Variants in SMAP1 observed in about 807,000 individuals in gnomAD.
SMAP1 encodes small ArfGAP 1.
Under a neutral mutation model 58.5 loss-of-function variants are expected in SMAP1, and 24 were observed. The ratio of observed to expected loss-of-function variants is 0.41; its 90% CI spans 0.30 to 0.58. The LOEUF (loss-of-function observed/expected upper bound fraction) is 0.58, where lower values mean the gene tolerates loss of function less well. Among genes scored for constraint, SMAP1 ranks in the 20% least tolerant of loss-of-function variants. The probability of loss-of-function intolerance (pLI) is 0.29; values close to 1 mark genes in which losing one functional copy is unlikely to be tolerated. For missense variants in SMAP1, 563 were observed against 566.3 expected, an observed-to-expected ratio of 0.99 and a Z score of 0.06; for synonymous variants, 216 against 196.6, an observed-to-expected ratio of 1.10 and a Z score of -0.82.
At chr6:70,770,451 T>G (rs925934226) in intron 3 of SMAP1, among the ~76,000 whole-genome samples, 17 of 152,212 alleles carry the variant, frequency 1.1e-4, no homozygotes, top group African/African-American at 4.1e-4. Context: ...TTCGTTTCTT[T>G]TTATTCTTTT....
intron 1 of SMAP1, among the ~76,000 whole-genome samples, chr6:70,702,384 T>G (rs1347474979): frequency 8.2e-6 from 1 of 122,214 alleles, no homozygotes; most frequent in Non-Finnish European, 1.9e-5. Flanking sequence ...TACATGCTTT[T>G]TTTTTGGGGA....
At chr6:70,798,768 A>T in intron 6 of SMAP1, 31 bp downstream of exon 6, 1 of 1,462,932 alleles carries the variant, frequency 6.8e-7, no homozygotes, top group African/African-American at 1.4e-5. Context: ...ATAATCTATT[A>T]GGATTACCAT....
intron 3 of SMAP1, among the ~76,000 whole-genome samples, chr6:70,763,762 G>A (rs1766851295): frequency 6.6e-6 from 1 of 152,178 alleles, no homozygotes; most frequent in Middle Eastern, 3.2e-3. Flanking sequence ...GAGTGGTTTG[G>A]ATAGAAGTTC....
intron 5 of SMAP1, among the ~76,000 whole-genome samples, chr6:70,796,076 A>C (rs972794420): frequency 6.6e-6 from 1 of 152,136 alleles, no homozygotes; most frequent in African/African-American, 2.4e-5. Flanking sequence ...TGCTTTCTGC[A>C]CCATAGTTTA....
intron 3 of SMAP1, among the ~76,000 whole-genome samples, chr6:70,769,092 T>G (rs1014005265): frequency 1.3e-5 from 2 of 152,226 alleles, no homozygotes; most frequent in African/African-American, 4.8e-5. Flanking sequence ...GAGTTCTAGT[T>G]TGATTGCACT....
chr6:70,853,478 A>G (rs922709807), intron 8 of SMAP1, among the ~76,000 whole-genome samples: 1 of 152,218 alleles, frequency 6.6e-6, no homozygotes, highest in Admixed American at 6.5e-5. Flanking sequence ...AAACTGAGTC[A>G]AATCTGAATT....
intron 1 of SMAP1, among the ~76,000 whole-genome samples, chr6:70,706,311 C>G (rs1032770589): frequency 2.6e-5 from 4 of 152,076 alleles, no homozygotes; most frequent in African/African-American, 9.7e-5. Context: ...AGTCCTTTCC[C>G]CCCAACTATC....
intron 6 of SMAP1, among the ~76,000 whole-genome samples, chr6:70,832,971 T>G (rs1002784946): frequency 1.3e-5 from 2 of 152,188 alleles, no homozygotes; most frequent in Non-Finnish European, 1.5e-5. Context: ...ACTAGGAACA[T>G]AAGTACTTAC....
At chr6:70,828,492 C>G (rs937892475) in intron 6 of SMAP1, among the ~76,000 whole-genome samples, 3 of 152,168 alleles carry the variant, frequency 2.0e-5, no homozygotes, top group African/African-American at 7.2e-5. Context: ...ACATCACAGT[C>G]ACAAAGCCTC....
chr6:70,822,398 T>C (rs1028763058), intron 6 of SMAP1, among the ~76,000 whole-genome samples: 1 of 146,380 alleles, frequency 6.8e-6, no homozygotes, highest in Admixed American at 7.0e-5. Flanking sequence ...TTTGGCAATT[T>C]ATTCATGGTC....
chr6:70,722,714 C>T (rs1175009707), intron 1 of SMAP1, among the ~76,000 whole-genome samples: 1 of 152,222 alleles, frequency 6.6e-6, no homozygotes, highest in Admixed American at 6.5e-5. Flanking sequence ...TTATGGGAAA[C>T]AAAGGGATGG....
chr6:70,724,438 C>T (rs1311233512), intron 1 of SMAP1, among the ~76,000 whole-genome samples: 4 of 152,156 alleles, frequency 2.6e-5, no homozygotes, highest in East Asian at 1.9e-4. Context: ...TCAGGTGATC[C>T]GCCTGCCTCG....
chr6:70,709,456 G>C (rs1767967129), intron 1 of SMAP1, among the ~76,000 whole-genome samples: 1 of 151,982 alleles, frequency 6.6e-6, no homozygotes, highest in South Asian at 2.1e-4. Flanking sequence ...TCCCACCTGA[G>C]CCTGCGACTG....
intron 2 of SMAP1, among the ~76,000 whole-genome samples, chr6:70,738,800 A>G (rs1765711813): frequency 6.6e-6 from 1 of 152,156 alleles, no homozygotes; most frequent in African/African-American, 2.4e-5. Context: ...AACTACAGGC[A>G]CTACTTATGT....
At chr6:70,726,102 T>A (rs1768774295) in intron 1 of SMAP1, among the ~76,000 whole-genome samples, 1 of 152,196 alleles carries the variant, frequency 6.6e-6, no homozygotes. Context: ...GTTTTGAGCC[T>A]AAATTTCTCA....
intron 4 of SMAP1, among the ~76,000 whole-genome samples, chr6:70,785,026 A>G (rs987828955): frequency 1.3e-5 from 2 of 152,178 alleles, no homozygotes; most frequent in Admixed American, 6.5e-5. Flanking sequence ...CACCACACCT[A>G]TTCCCAAATT....
At chr6:70,821,453 T>C (rs1323115314) in intron 6 of SMAP1, among the ~76,000 whole-genome samples, 1 of 151,994 alleles carries the variant, frequency 6.6e-6, no homozygotes, top group Non-Finnish European at 1.5e-5. Context: ...TGAAGAAAAA[T>C]ATCCTAGTGA....
intron 7 of SMAP1, among the ~76,000 whole-genome samples, chr6:70,838,599 A>G (rs1292481024): frequency 2.0e-5 from 3 of 152,196 alleles, no homozygotes; most frequent in African/African-American, 7.2e-5. Context: ...TGTAAGCAAG[A>G]GTATTCTGAG....
intron 1 of SMAP1, among the ~76,000 whole-genome samples, chr6:70,686,698 T>G (rs1394315842): frequency 1.3e-5 from 2 of 152,202 alleles, no homozygotes; most frequent in African/African-American, 4.8e-5. Context: ...GAATACAGTA[T>G]ATACGAAGTG....
Sources: allele counts gnomAD v4.1 joint callset (sites outside exome capture counted in the v4.1 genomes callset), GRCh38; gene constraint gnomAD v4.1.1; transcripts MANE v1.5; gene names NCBI Gene and HGNC (gene_info 2026-07-23, HGNC 2026-07-21).